SPRED2: variants seen among roughly 807,000 people sequenced by gnomAD.
The protein encoded by SPRED2 is sprouty-related, EVH1 domain-containing protein 2.
Under a neutral mutation model 43.0 loss-of-function variants are expected in SPRED2, and 47 were observed. The ratio of observed to expected loss-of-function variants is 1.09; its 90% CI spans 0.87 to 1.40. The LOEUF (loss-of-function observed/expected upper bound fraction) is 1.40. SPRED2 is among the 40% of genes most tolerant of loss of function. The pLI, the probability that SPRED2 is intolerant of heterozygous loss-of-function variation, is 0.00. For synonymous variants in SPRED2, 225 were observed against 225.7 expected, an observed-to-expected ratio of 1.00 and a Z score of 0.03; for missense variants, 561 against 586.4, an observed-to-expected ratio of 0.96 and a Z score of 0.45.
chr2:65,343,676 G>T (rs1026827583), intron 2 of SPRED2, among the ~76,000 whole-genome samples: 59 of 152,140 alleles, frequency 3.9e-4, no homozygotes, highest in African/African-American at 1.4e-3. Flanking sequence ...TTAGGGCCAT[G>T]AATTTAAAAC....
intron 4 of SPRED2, among the ~76,000 whole-genome samples, chr2:65,321,197 G>A (rs1232438549): frequency 1.8e-4 from 28 of 152,172 alleles, no homozygotes. Context: ...AGGTCAGAGT[G>A]GGCGTTTAAT....
intron 1 of SPRED2, among the ~76,000 whole-genome samples, chr2:65,382,896 G>A (rs1675405215): frequency 6.6e-6 from 1 of 152,184 alleles, no homozygotes; most frequent in Non-Finnish European, 1.5e-5. Flanking sequence ...GTAATTCTCA[G>A]TGGAGTCACC....
chr2:65,397,704 G>T (rs1675789487), intron 1 of SPRED2, among the ~76,000 whole-genome samples: 1 of 149,256 alleles, frequency 6.7e-6, no homozygotes, highest in Admixed American at 6.7e-5. Context: ...CCCACTTCCT[G>T]AAGACAGGAG....
chr2:65,361,919 A>G (rs1674825713), intron 1 of SPRED2, among the ~76,000 whole-genome samples: 1 of 152,238 alleles, frequency 6.6e-6, no homozygotes, highest in African/African-American at 2.4e-5. Context: ...GGCCAGGGCA[A>G]CAACAGGCAA....
Position 65,313,657 on chromosome 2 carries a change from G to A in SPRED2, c.1101C>T (p.Cys367=), listed in dbSNP as rs559619429. ...GGCAAAACTTCTCGTCGCTAGTATC[G>A]CACGAGCAAGGGTCTGTATAGTCTC... ...PEGDYTDPCS[C]DTSDEKFCLR... is the part of the protein sequence containing the mutation. The change falls in exon 6 of 6, where the codon TGC becomes TGT. Residue 367 remains cysteine (C), a synonymous_variant. Coordinates refer to ENST00000356388, the MANE Select transcript of SPRED2 (RefSeq NM_181784.3). 7 of 1,614,174 alleles carry A rather than the reference G, an allele frequency of 4.3e-6. No homozygotes were observed. The South Asian group carries it at 7.7e-5, about 18-fold the overall frequency.
rs143739600 is a variant in SPRED2 at position 65,427,111 on chromosome 2, G to A, written c.26+4851C>T. Among the ~76,000 whole-genome samples, 322 of 151,824 alleles carry A rather than the reference G, an allele frequency of 2.1e-3. 2 individuals are homozygous for A. Among genetic ancestry groups the A allele is most frequent in the African/African-American group, 7.4e-3 (306 of 41,348 alleles). The stretch of plus-strand genomic sequence containing the variant: ...CCTGGAGACAGGGTGTCACTCTGTC[G>A]CCCAGGCTAGAGTGCAGTGGTACGA... On this transcript the variant is annotated intron_variant, in intron 1 of 5. Transcript: ENST00000356388.
Position 65,311,609 on chromosome 2 carries a change from A to C in SPRED2, c.*1892T>G, listed in dbSNP as rs968470759. On this transcript the variant is annotated 3_prime_UTR_variant, in exon 6 of 6. Transcript: ENST00000356388. ...TCTCGACAGCACTGGAGGCTGGCTG[A>C]AGGTTTTCTAGATGTTCTCCAGGCA... 2.0e-6 allele frequency: 2 copies of C among 985,734 alleles called. No homozygotes were observed. Among genetic ancestry groups the C allele is most frequent in the African/African-American group, 3.5e-5 (2 of 57,238 alleles). The allele number at this position is 985,734 out of a possible 1,614,324, so 61.1% of individuals were successfully genotyped here.
chr2:65,341,364 GA>G (rs1674178994), intron 2 of SPRED2, among the ~76,000 whole-genome samples: 1 of 151,704 alleles, frequency 6.6e-6, no homozygotes, highest in African/African-American at 2.4e-5. Context: ...GGAGAAACAT[GA>G]TGGGGGAGGG....
At chr2:65,326,784 G>T (rs900420177) in intron 4 of SPRED2, among the ~76,000 whole-genome samples, 1 of 152,062 alleles carries the variant, frequency 6.6e-6, no homozygotes, top group South Asian at 2.1e-4. Context: ...GATTAAAGGC[G>T]TGAGCCACCA....
chr2:65,340,256 C>T (rs1009742550), intron 2 of SPRED2, among the ~76,000 whole-genome samples: 1 of 152,260 alleles, frequency 6.6e-6, no homozygotes, highest in South Asian at 2.1e-4. Context: ...TAAAGGGATC[C>T]TGAGACCAAA....
rs1674990911 is a variant in SPRED2, at chr2:65,366,718, G to T, written c.27-21822C>A. ...ACCTGAGAACCAGCTGGCTGCCTGA[G>T]AAGTGGTTTCCCCCATATATGATTC... is the stretch of plus-strand genomic sequence containing the variant. On this transcript the variant is annotated intron_variant, in intron 1 of 5. Transcript: ENST00000356388. The T allele has an allele frequency of 3.3e-6, 5 of 1,519,292 alleles. 1 individual carries two copies. The Admixed American group carries it at 1.1e-4, about 34-fold the overall frequency. 94.1% of individuals were successfully genotyped at this position (1,519,292 alleles called of 1,614,324 possible). A position where few individuals can be genotyped will look rare whatever the true frequency, so the allele number is the denominator to read the frequency against.
intron 1 of SPRED2, among the ~76,000 whole-genome samples, chr2:65,349,167 C>T (rs557482478): frequency 3.3e-5 from 5 of 152,036 alleles, no homozygotes; most frequent in South Asian, 2.1e-4. Flanking sequence ...ATTAGCTGGG[C>T]GTGGCGGTGC....
intron 1 of SPRED2, among the ~76,000 whole-genome samples, chr2:65,411,688 T>C (rs76553694): frequency 0.013 from 2,039 of 152,334 alleles, 15 homozygotes; most frequent in Middle Eastern, 0.027. Flanking sequence ...CGCTGGTGAC[T>C]TGTTGGGTAA....
At chr2:65,377,446 C>T (rs1675267722) in intron 1 of SPRED2, among the ~76,000 whole-genome samples, 1 of 152,196 alleles carries the variant, frequency 6.6e-6, no homozygotes, top group African/African-American at 2.4e-5. Context: ...GCCCATTCTC[C>T]ATCCTTATCC....
Position 65,415,976 on chromosome 2 carries a change from G to A in SPRED2, c.26+15986C>T, listed in dbSNP as rs140586584. 3.3e-5 allele frequency among the ~76,000 whole-genome samples: 5 copies of A among 152,206 alleles called. No individual in the cohort carries two copies. The East Asian group carries it at 9.6e-4, about 29-fold the overall frequency. On this transcript the variant is annotated intron_variant, in intron 1 of 5. Coordinates refer to ENST00000356388, the MANE Select transcript of SPRED2 (RefSeq NM_181784.3). ...TACCACCCAGTATGACAGATTAATC[G>A]GAATGAATTAATAGGCAGAAGAGAG...
chr2:65,355,720 T>C (rs1025156886), intron 1 of SPRED2, among the ~76,000 whole-genome samples: 1 of 152,200 alleles, frequency 6.6e-6, no homozygotes, highest in Non-Finnish European at 1.5e-5. Context: ...ATTTTGCTTT[T>C]ATTGTCTGTC....
At chr2:65,428,292 CTGACA>C (rs1676602258) in intron 1 of SPRED2, among the ~76,000 whole-genome samples, 1 of 152,236 alleles carries the variant, frequency 6.6e-6, no homozygotes, top group Non-Finnish European at 1.5e-5. Context: ...CCATATAAAA[CTGACA>C]TGACATATGA....
chr2:65,352,246 G>A (rs943995660), intron 1 of SPRED2, among the ~76,000 whole-genome samples: 1 of 152,264 alleles, frequency 6.6e-6, no homozygotes, highest in African/African-American at 2.4e-5. Flanking sequence ...CTGTGAGGCA[G>A]AGAAGAGATT....
intron 1 of SPRED2, among the ~76,000 whole-genome samples, chr2:65,346,959 T>C (rs961605537): frequency 1.3e-5 from 2 of 152,216 alleles, no homozygotes; most frequent in African/African-American, 4.8e-5. Context: ...CCTCTCAGTG[T>C]CTGGGCCTGT....
Sources: allele counts gnomAD v4.1 joint callset (sites outside exome capture counted in the v4.1 genomes callset), GRCh38; gene constraint gnomAD v4.1.1; transcripts MANE v1.5; gene names NCBI Gene and HGNC (gene_info 2026-07-23, HGNC 2026-07-21).